Variants in PLXNA4 observed in about 807,000 individuals in gnomAD.
PLXNA4 encodes plexin-A4.
PLXNA4 carries 44 observed loss-of-function variants against 191.8 expected under a neutral mutation model. The ratio of observed to expected loss-of-function variants is 0.23; its 90% CI spans 0.18 to 0.29. The LOEUF (loss-of-function observed/expected upper bound fraction) is 0.29. Ranked by LOEUF, PLXNA4 falls within the 10% of genes least tolerant of loss-of-function variation. The probability of loss-of-function intolerance (pLI) is 1.00; values close to 1 mark genes in which losing one functional copy is unlikely to be tolerated. For missense variants in PLXNA4, 1,800 were observed against 2,488.8 expected (o/e 0.72, Z 5.89); for synonymous variants, 1,082 against 1,009.5 (o/e 1.07, Z -1.36).
intron 3 of PLXNA4, among the ~76,000 whole-genome samples, chr7:132,399,519 G>C (rs575537500): frequency 6.6e-6 from 1 of 152,312 alleles, no homozygotes; most frequent in South Asian, 2.1e-4. Context: ...CGGCTGACTG[G>C]AGAAATCAAG....
intron 2 of PLXNA4, among the ~76,000 whole-genome samples, chr7:132,627,587 G>C (rs1472589115): frequency 6.6e-6 from 1 of 152,156 alleles, no homozygotes; most frequent in Admixed American, 6.5e-5. Context: ...ACAGTATTAA[G>C]AGAAAGTGAT....
chr7:132,522,228 C>T (rs1466500523), intron 1 of PLXNA4, among the ~76,000 whole-genome samples: 1 of 152,140 alleles, frequency 6.6e-6, no homozygotes, highest in Non-Finnish European at 1.5e-5. Context: ...CTTATGCCAC[C>T]CAAAACTCCA....
In PLXNA4 at chr7:132,453,611, G is replaced by A. The variant is rs541660468; in HGVS notation, c.1371+35681C>T. Among the ~76,000 whole-genome samples, 337 of 151,706 alleles carry A rather than the reference G, an allele frequency of 2.2e-3. 2 individuals are homozygous for A. Among genetic ancestry groups the A allele is most frequent in the African/African-American group, 7.8e-3 (323 of 41,300 alleles). On this transcript the variant is annotated intron_variant, in intron 3 of 31. Transcript: ENST00000321063. ...GGCTGGAGAGCAGTGGCGCAATCTC[G>A]GCTCACTGCAACCTCCAACTCCCTG...
chr7:132,311,156 T>TTTTGTGTG, intron 3 of PLXNA4, among the ~76,000 whole-genome samples: 1 of 132,040 alleles, frequency 7.6e-6, no homozygotes, highest in East Asian at 2.2e-4. Flanking sequence ...TCTAGGATAA[T>TTTTGTGTG]TGTGTGTGTG....
chr7:132,260,431 C>G (rs1369698857), intron 4 of PLXNA4, among the ~76,000 whole-genome samples: 3 of 151,940 alleles, frequency 2.0e-5, no homozygotes, highest in African/African-American at 7.3e-5. Flanking sequence ...CTGTATGTTC[C>G]CACTAATAGG....
At chr7:132,432,523 A>C (rs1414250257) in intron 3 of PLXNA4, among the ~76,000 whole-genome samples, 1 of 152,080 alleles carries the variant, frequency 6.6e-6, no homozygotes, top group African/African-American at 2.4e-5. Flanking sequence ...GTTCCAAGGA[A>C]CTCAAAGATT....
intron 3 of PLXNA4, among the ~76,000 whole-genome samples, chr7:132,434,695 G>A (rs1795401930): frequency 6.6e-6 from 1 of 152,160 alleles, no homozygotes; most frequent in Admixed American, 6.5e-5. Context: ...TGCCTCATTT[G>A]GGGACACCAA....
chr7:132,571,752 G>A lies in PLXNA4; in HGVS notation c.-87+4670C>T, dbSNP rs182408397. On this transcript the variant is annotated intron_variant, in intron 1 of 31. Coordinates refer to ENST00000321063, the MANE Select transcript of PLXNA4 (RefSeq NM_020911.2). Reference sequence around the variant, plus strand: ...GTTGTTTCCACAATACTAGCAATTTGAAGCAGTCACCAGGGAGAATTAGAC... The same window carrying A: ...GTTGTTTCCACAATACTAGCAATTTAAAGCAGTCACCAGGGAGAATTAGAC... Among the ~76,000 whole-genome samples the A allele has an allele frequency of 5.9e-3, 896 of 152,242 alleles. 7 individuals carry two copies. The highest frequency in any genetic ancestry group is 0.037 in the Middle Eastern group (11 of 294).
intron 2 of PLXNA4, among the ~76,000 whole-genome samples, chr7:132,585,898 G>A (rs79236158): frequency 0.036 from 5,490 of 152,248 alleles, 319 homozygotes; most frequent in African/African-American, 0.12. Flanking sequence ...TTCAACATAC[G>A]AATTGAGAGT....
rs73724047 is a variant in PLXNA4 at position 132,498,151 on chromosome 7, C to T, written c.1189-8677G>A. Among the ~76,000 whole-genome samples the T allele has an allele frequency of 6.3e-3, 960 of 152,214 alleles. 14 individuals are homozygous for T. The highest frequency in any genetic ancestry group is 0.022 in the African/African-American group (924 of 41,528). On this transcript the variant is annotated intron_variant, in intron 2 of 31. Coordinates refer to ENST00000321063, the MANE Select transcript of PLXNA4 (RefSeq NM_020911.2). ...AGGGATTTTTGAGAGACAGAGGAGA[C>T]AATGTTCACATAATTTTTATTATAG...
In PLXNA4 at chr7:132,536,097, G is replaced by A. The variant is rs374223490; in HGVS notation, c.-86-27318C>T. ...TTGGACGAGTTACTCTCTGAACCTCGGACCCTCGTGCATAAAATGGGGTTA... is the reference window on the plus strand; with the variant it reads ...TTGGACGAGTTACTCTCTGAACCTCAGACCCTCGTGCATAAAATGGGGTTA... On this transcript the variant is annotated intron_variant, in intron 1 of 31. Transcript: ENST00000321063. 1.4e-4 allele frequency among the ~76,000 whole-genome samples: 22 copies of A among 152,254 alleles called. No individual in the cohort carries two copies. The East Asian group carries it at 2.7e-3, about 19-fold the overall frequency.
intron 20 of PLXNA4, among the ~76,000 whole-genome samples, chr7:132,178,707 T>TACACACAC (rs1366959944): frequency 2.9e-5 from 2 of 68,530 alleles, no homozygotes; most frequent in South Asian, 7.9e-4. Flanking sequence ...CACATACACA[T>TACACACAC]ACACATACAC....
chr7:132,279,182 C>T (rs977511435), intron 4 of PLXNA4, among the ~76,000 whole-genome samples: 9 of 152,324 alleles, frequency 5.9e-5, no homozygotes, highest in Middle Eastern at 3.4e-3. Flanking sequence ...GTGAGTGGTG[C>T]ACACTGTGAT....
chr7:132,637,589 A>G (rs573948746), intron 2 of PLXNA4, among the ~76,000 whole-genome samples: 1 of 152,336 alleles, frequency 6.6e-6, no homozygotes, highest in East Asian at 1.9e-4. Flanking sequence ...AAATTCTGGA[A>G]GACTGAAAGA....
At chr7:132,501,473 C>T (rs947658710) in intron 2 of PLXNA4, among the ~76,000 whole-genome samples, 6 of 152,146 alleles carry the variant, frequency 3.9e-5, no homozygotes, top group African/African-American at 1.2e-4. Context: ...TCCTGGGTCC[C>T]GCCTCACTCC....
At chr7:132,515,875 G>C (rs969792329) in intron 1 of PLXNA4, among the ~76,000 whole-genome samples, 1 of 151,970 alleles carries the variant, frequency 6.6e-6, no homozygotes, top group African/African-American at 2.4e-5. Flanking sequence ...TACAAACTCT[G>C]TTATATTTGT....
At chr7:132,453,426 A>G (rs1286047945) in intron 3 of PLXNA4, among the ~76,000 whole-genome samples, 1 of 152,128 alleles carries the variant, frequency 6.6e-6, no homozygotes, top group Non-Finnish European at 1.5e-5. Context: ...TTGACTCAGA[A>G]ACTATAGAGG....
At chr7:132,605,860 G>C (rs1195839702) in intron 2 of PLXNA4, among the ~76,000 whole-genome samples, 2 of 152,164 alleles carry the variant, frequency 1.3e-5, no homozygotes, top group Non-Finnish European at 2.9e-5. Flanking sequence ...TAGAGGCAGA[G>C]ACTGGAGCCA....
intron 3 of PLXNA4, among the ~76,000 whole-genome samples, chr7:132,305,396 A>ACG (rs1460554572): frequency 8.0e-5 from 12 of 149,866 alleles, no homozygotes; most frequent in Non-Finnish European, 1.2e-4. Context: ...ACACACACAC[A>ACG]CACACACACA....
Sources: gnomAD v4.1 joint callset for allele counts (sites outside exome capture counted in the v4.1 genomes callset) on GRCh38, gnomAD v4.1.1 for gene constraint, MANE v1.5 for transcripts, NCBI Gene and HGNC (gene_info 2026-07-23, HGNC 2026-07-21) for gene names.